TTC28: variants seen among roughly 807,000 people sequenced by gnomAD.
TTC28 encodes tetratricopeptide repeat domain 28.
In TTC28, 61 loss-of-function variants were observed where a neutral mutation model predicts 198.0. That is an observed-to-expected ratio of 0.31 (90% confidence interval 0.25 to 0.38). The LOEUF (loss-of-function observed/expected upper bound fraction) is 0.38, where lower values mean the gene tolerates loss of function less well. TTC28 is among the 10% of genes least tolerant of loss of function. The pLI is 1.00. For missense variants in TTC28, 2,678 were observed against 3,164.0 expected (o/e 0.85, Z 3.69); for synonymous variants, 1,171 against 1,297.8 (o/e 0.90, Z 2.10).
chr22:28,211,286 T>G (rs1247648217), intron 5 of TTC28, among the ~76,000 whole-genome samples: 4 of 152,150 alleles, frequency 2.6e-5, no homozygotes, highest in Non-Finnish European at 5.9e-5. Context: ...ATAACAATAT[T>G]AACCTTAAAT....
At chr22:28,673,246 C>T (rs2051919322) in intron 1 of TTC28, among the ~76,000 whole-genome samples, 1 of 152,008 alleles carries the variant, frequency 6.6e-6, no homozygotes, top group Admixed American at 6.6e-5. Context: ...TGGTGGCAGG[C>T]GCCTGTAGTC....
intron 2 of TTC28, among the ~76,000 whole-genome samples, chr22:28,440,090 C>T (rs755656578): frequency 2.5e-4 from 38 of 152,352 alleles, no homozygotes; most frequent in Admixed American, 2.0e-4. Flanking sequence ...CTCGCCTCGG[C>T]CTCCCAAAGT....
At chr22:28,000,801 T>A (rs1023672767) in intron 15 of TTC28, 5 of 152,706 alleles carry the variant, frequency 3.3e-5, no homozygotes, top group African/African-American at 1.2e-4. Context: ...TGTTACTCTA[T>A]TGATTTTTGG....
At chr22:28,438,980 G>A (rs1263205191) in intron 2 of TTC28, among the ~76,000 whole-genome samples, 4 of 152,136 alleles carry the variant, frequency 2.6e-5, no homozygotes, top group Non-Finnish European at 4.4e-5. Flanking sequence ...GATTAGAAAT[G>A]AGTGACAAAA....
Position 28,139,086 on chromosome 22 carries a change from G to A in TTC28, c.1441+24006C>T, listed in dbSNP as rs537188857. Among the ~76,000 whole-genome samples the A allele has an allele frequency of 1.4e-4, 21 of 152,132 alleles. No individual in the cohort carries two copies. In the East Asian group the frequency reaches 2.1e-3, roughly 15 times the overall value. On this transcript the variant is annotated intron_variant, in intron 6 of 22. Transcript: ENST00000397906. ...GGGAGAGATGGGGTGGAGTTGAAGCGATTGAAGGAGATGGAGTATAAACAT... is the reference window on the plus strand; with the variant it reads ...GGGAGAGATGGGGTGGAGTTGAAGCAATTGAAGGAGATGGAGTATAAACAT...
At chr22:28,034,933 C>T (rs1448755903) in intron 12 of TTC28, among the ~76,000 whole-genome samples, 2 of 152,204 alleles carry the variant, frequency 1.3e-5, no homozygotes, top group Non-Finnish European at 2.9e-5. Flanking sequence ...TCATATGCAG[C>T]TTTCCCCAGA....
intron 2 of TTC28, among the ~76,000 whole-genome samples, chr22:28,524,170 C>CAT (rs2048963526): frequency 6.6e-6 from 1 of 152,064 alleles, no homozygotes; most frequent in Non-Finnish European, 1.5e-5. Context: ...GATGAGTGAA[C>CAT]ATAAGTAGGT....
chr22:28,153,577 CTTG>C (rs1943666817), intron 6 of TTC28, among the ~76,000 whole-genome samples: 1 of 151,702 alleles, frequency 6.6e-6, no homozygotes, highest in Non-Finnish European at 1.5e-5. Flanking sequence ...TCAATAATCA[CTTG>C]TTGAATGAAA....
Position 28,196,701 on chromosome 22 carries a change from T to C in TTC28, c.934-33102A>G, listed in dbSNP as rs558917706. On this transcript the variant is annotated intron_variant, in intron 5 of 22. Transcript: ENST00000397906. ...ACACATGAAAAAATGCTCATCATCA[T>C]TGGCCATCAGAGAAATGCAAATCAA... 7.9e-5 allele frequency among the ~76,000 whole-genome samples: 12 copies of C among 152,190 alleles called. No homozygotes were observed. The East Asian group carries it at 1.7e-3, about 22-fold the overall frequency.
chr22:28,459,899 T>C (rs2047921935), intron 2 of TTC28: 2 of 152,206 alleles, frequency 1.3e-5, no homozygotes, highest in Non-Finnish European at 2.9e-5. Flanking sequence ...TCCAAGGTTG[T>C]GCTTTTAGGA....
intron 12 of TTC28, among the ~76,000 whole-genome samples, chr22:28,041,844 G>A (rs1939651714): frequency 6.6e-6 from 1 of 151,904 alleles, no homozygotes; most frequent in South Asian, 2.1e-4. Context: ...TGTGACAAAG[G>A]GCTAATATCC....
rs2048831079 is a variant in TTC28 at position 28,518,229 on chromosome 22, A to C, written c.381+111323T>G. 4.6e-5 allele frequency among the ~76,000 whole-genome samples: 7 copies of C among 152,152 alleles called. No homozygotes were observed. The South Asian group carries it at 1.2e-3, about 27-fold the overall frequency. On this transcript the variant is annotated intron_variant, in intron 2 of 22. Coordinates refer to ENST00000397906, the MANE Select transcript of TTC28 (RefSeq NM_001145418.2). ...GAAGACTGCTTTAGTGTTGAGCTGC[A>C]TGGGGTTTGGAGAACTGAGATGTTA...
At chr22:28,199,383 TTATATATATA>T (rs34398046) in intron 5 of TTC28, among the ~76,000 whole-genome samples, 32,018 of 118,258 alleles carry the variant, frequency 0.27, 4,300 homozygotes, top group Admixed American at 0.32. Flanking sequence ...ACATTAAAAA[TTATATATATA>T]TATATATATA....
Position 28,163,227 on chromosome 22 carries a change from C to A in TTC28, c.1306G>T (p.Ala436Ser), listed in dbSNP as rs1453377707. The stretch of plus-strand genomic sequence containing the variant: ...GCAGCATGGCCTAGTCCAGCATAGG[C>A]CCGCATCTCAATAGCCTTCTCCATC... Reference protein sequence around the residue: ...ELMEKAIEMRAYAGLGHAARC... With the variant: ...ELMEKAIEMRSYAGLGHAARC... The change falls in exon 6 of 23, where the codon GCC becomes TCC. Residue 436 changes from alanine to serine, a missense_variant. Around this residue, in one of 8 missense-constraint regions of TTC28, gnomAD observed 775 missense variants for 845.9 expected, o/e 0.92. Coordinates refer to ENST00000397906, the MANE Select transcript of TTC28 (RefSeq NM_001145418.2). 2.6e-6 allele frequency: 4 copies of A among 1,551,646 alleles called. No homozygotes were observed. Among genetic ancestry groups the A allele is most frequent in the Non-Finnish European group, 3.5e-6 (4 of 1,147,024 alleles).
intron 2 of TTC28, among the ~76,000 whole-genome samples, chr22:28,309,681 G>A (rs1479992697): frequency 6.6e-6 from 1 of 152,196 alleles, no homozygotes; most frequent in Non-Finnish European, 1.5e-5. Context: ...GCATGCCAAA[G>A]ATGGGTGTCT....
chr22:28,204,472 T>C (rs1926229922), intron 5 of TTC28, among the ~76,000 whole-genome samples: 1 of 152,192 alleles, frequency 6.6e-6, no homozygotes, highest in African/African-American at 2.4e-5. Flanking sequence ...AAAGTGAAAC[T>C]GTCCACATTT....
intron 2 of TTC28, among the ~76,000 whole-genome samples, chr22:28,347,941 T>C (rs934635056): frequency 1.3e-5 from 2 of 152,254 alleles, no homozygotes; most frequent in Non-Finnish European, 2.9e-5. Flanking sequence ...CAGTGGGGTT[T>C]TGGCATCTCC....
rs948563152 is a variant in TTC28, at chr22:28,504,777, TGTCA to T, written c.381+124771_381+124774del. ...AATAAAAAACACTTTCTTGATATAA[TGTCA>T]GTAATTTGCTTAAAAAAAAATCCAG... On this transcript the variant is annotated intron_variant, in intron 2 of 22. Coordinates refer to ENST00000397906, the MANE Select transcript of TTC28 (RefSeq NM_001145418.2). Among the ~76,000 whole-genome samples, 5 of 152,198 alleles carry T rather than the reference TGTCA, an allele frequency of 3.3e-5. No homozygotes were observed. The Middle Eastern group carries it at 0.01, about 311-fold the overall frequency.
At chr22:28,078,152 A>G (rs1418856281) in intron 12 of TTC28, among the ~76,000 whole-genome samples, 1 of 152,138 alleles carries the variant, frequency 6.6e-6, no homozygotes, top group Non-Finnish European at 1.5e-5. Flanking sequence ...TTTTAAATCC[A>G]TTTTCAGAAA....
Sources: allele counts gnomAD v4.1 joint callset (sites outside exome capture counted in the v4.1 genomes callset), GRCh38; gene constraint gnomAD v4.1.1; regional missense constraint gnomAD v4.1.1; transcripts MANE v1.5; gene names NCBI Gene and HGNC (gene_info 2026-07-23, HGNC 2026-07-21).